SAMD5: variants seen among roughly 807,000 people sequenced by gnomAD.
SAMD5 encodes the protein sterile alpha motif domain containing 5.
In SAMD5, 13 loss-of-function variants were observed where a neutral mutation model predicts 11.3. That is an observed-to-expected ratio of 1.15 (90% confidence interval 0.75 to 1.83). The LOEUF is 1.83. SAMD5 is among the 40% of genes most tolerant of loss of function. The pLI is 0.00. For missense variants in SAMD5, 255 were observed against 239.1 expected (o/e 1.07, Z -0.44); for synonymous variants, 129 against 111.3 (o/e 1.16, Z -1.00).
chr6:147,633,989 C>T (rs1412758359), intron 1 of SAMD5, among the ~76,000 whole-genome samples: 2 of 152,078 alleles, frequency 1.3e-5, no homozygotes, highest in East Asian at 1.9e-4. Flanking sequence ...TTCATTCCCA[C>T]CCCCAACCCC....
the SAMD5 span, among the ~76,000 whole-genome samples, chr6:147,782,134 GAA>G: frequency 1.4e-4 from 19 of 138,692 alleles, no homozygotes; most frequent in African/African-American, 2.1e-4. Context: ...TTGAGATCAG[GAA>G]AAAAAAAAAA....
At chr6:147,753,998 C>T in the SAMD5 span, among the ~76,000 whole-genome samples, 1 of 152,122 alleles carries the variant, frequency 6.6e-6, no homozygotes, top group African/African-American at 2.4e-5. Flanking sequence ...GTAAACAGTG[C>T]TTCAACAAAC....
the SAMD5 span, among the ~76,000 whole-genome samples, chr6:147,826,776 C>T: frequency 2.0e-5 from 3 of 152,160 alleles, no homozygotes; most frequent in East Asian, 5.8e-4. Flanking sequence ...AATCTAGGGT[C>T]ATCATTGTGG....
chr6:147,613,655 A>G (rs1333164759), intron 1 of SAMD5, among the ~76,000 whole-genome samples: 1 of 151,986 alleles, frequency 6.6e-6, no homozygotes, highest in Non-Finnish European at 1.5e-5. Context: ...ATAAATGGAC[A>G]TATAAGGCAG....
Position 147,567,084 on chromosome 6 carries a change from G to T in SAMD5, c.*2628G>T, listed in dbSNP as rs571532115. The T allele has an allele frequency of 3.2e-5, 31 of 974,538 alleles. No individual in the cohort carries two copies. The African/African-American group carries it at 5.3e-4, about 17-fold the overall frequency. The allele number at this position is 974,538 out of a possible 1,614,324, so 60.4% of individuals were successfully genotyped here. A position where few individuals can be genotyped will look rare whatever the true frequency, so the allele number is the denominator to read the frequency against. ...CAGACTTTCACTTGATAATATTGAG[G>T]AGTCTGGAGGGTCATAGCAAAATTT... On this transcript the variant is annotated 3_prime_UTR_variant, in exon 2 of 2. Transcript: ENST00000367474.
At chr6:147,778,931 C>G in the SAMD5 span, among the ~76,000 whole-genome samples, 1 of 150,694 alleles carries the variant, frequency 6.6e-6, no homozygotes, top group East Asian at 2.0e-4. Context: ...AATCAAGACT[C>G]TATATATGAA....
chr6:147,694,654 A>C (rs1348212366), intron 1 of SAMD5, among the ~76,000 whole-genome samples: 1 of 152,108 alleles, frequency 6.6e-6, no homozygotes, highest in Non-Finnish European at 1.5e-5. Flanking sequence ...TAGTCTCTAC[A>C]AAAAACAAAA....
intron 1 of SAMD5, among the ~76,000 whole-genome samples, chr6:147,623,111 A>G (rs1217726112): frequency 6.6e-6 from 1 of 152,186 alleles, no homozygotes; most frequent in African/African-American, 2.4e-5. Context: ...CTAACCCCAC[A>G]TTCTTGGACA....
intron 1 of SAMD5, among the ~76,000 whole-genome samples, chr6:147,623,616 T>C (rs371199438): frequency 6.6e-6 from 1 of 152,208 alleles, no homozygotes; most frequent in African/African-American, 2.4e-5. Flanking sequence ...ACCCAGCAGA[T>C]ACTTGCAACA....
At chr6:147,599,008 T>C (rs1286494958) in intron 1 of SAMD5, among the ~76,000 whole-genome samples, 1 of 152,194 alleles carries the variant, frequency 6.6e-6, no homozygotes, top group East Asian at 1.9e-4. Context: ...CACTGTGTCA[T>C]GGAACACTGA....
At chr6:147,750,205 C>A in the SAMD5 span, among the ~76,000 whole-genome samples, 1 of 152,172 alleles carries the variant, frequency 6.6e-6, no homozygotes. Context: ...GCAAAACCAT[C>A]GCTTGACTCT....
intron 1 of SAMD5, among the ~76,000 whole-genome samples, chr6:147,681,147 A>T (rs1209496413): frequency 8.5e-5 from 13 of 152,290 alleles, no homozygotes. Context: ...TTTGTAGGAA[A>T]GCTTTTAACT....
chr6:147,613,541 C>T (rs565699930), intron 1 of SAMD5, among the ~76,000 whole-genome samples: 1 of 151,534 alleles, frequency 6.6e-6, no homozygotes, highest in South Asian at 2.1e-4. Flanking sequence ...CCACCAGGCC[C>T]GCTGCCTGCT....
At chr6:147,570,699 G>A (rs1016466880), downstream of SAMD5, among the ~76,000 whole-genome samples, 4 of 152,122 alleles carry the variant, frequency 2.6e-5, no homozygotes, top group African/African-American at 9.7e-5. Context: ...CCCACTGGAT[G>A]CAAAATGAGA....
intron 1 of SAMD5, among the ~76,000 whole-genome samples, chr6:147,613,971 C>T (rs1029127121): frequency 6.6e-6 from 1 of 151,906 alleles, no homozygotes; most frequent in African/African-American, 2.4e-5. Context: ...TCCTGCCCCC[C>T]AGGGAGTACC....
At chr6:147,626,288 C>T (rs1052289516) in intron 1 of SAMD5, among the ~76,000 whole-genome samples, 3 of 151,934 alleles carry the variant, frequency 2.0e-5, no homozygotes, top group Admixed American at 2.0e-4. Context: ...TCTTAAGACA[C>T]TGTAATTGTT....
At chr6:147,638,121 C>T (rs1245113633) in intron 1 of SAMD5, among the ~76,000 whole-genome samples, 1 of 152,048 alleles carries the variant, frequency 6.6e-6, no homozygotes. Context: ...CTCTCCCTCC[C>T]TCTCTCTCCC....
intron 1 of SAMD5, among the ~76,000 whole-genome samples, chr6:147,633,733 G>A (rs570218302): frequency 4.1e-5 from 6 of 147,382 alleles, no homozygotes; most frequent in African/African-American, 1.5e-4. Flanking sequence ...AAGCTATGAT[G>A]CCTATTCTCC....
At chr6:147,594,636 C>T (rs9497813) in intron 1 of SAMD5, among the ~76,000 whole-genome samples, 7,422 of 151,906 alleles carry the variant, frequency 0.049, 547 homozygotes, top group African/African-American at 0.16. Context: ...GAAAGACAGA[C>T]AGGAGGATGG....
Sources: gnomAD v4.1 joint callset for allele counts (sites outside exome capture counted in the v4.1 genomes callset) on GRCh38, gnomAD v4.1.1 for gene constraint, MANE v1.5 for transcripts, NCBI Gene and HGNC (gene_info 2026-07-23, HGNC 2026-07-21) for gene names.